The following IFT43 variants were observed in gnomAD, a reference collection of about 807,000 sequenced individuals.
The protein encoded by IFT43 is intraflagellar transport protein 43 homolog.
In IFT43, 33 loss-of-function variants were observed where a neutral mutation model predicts 32.3. That is an observed-to-expected ratio of 1.02 (90% CI 0.77 to 1.37). The LOEUF is 1.37. Among genes scored for constraint, IFT43 ranks in the 40% most tolerant of loss-of-function variants. IFT43 has a pLI of 0.00. For synonymous variants in IFT43, 93 were observed against 98.2 expected (o/e 0.95, Z 0.31); for missense variants, 274 against 265.9 (o/e 1.03, Z -0.21).
At chr14:75,990,446 A>G (rs2035614725) in intron 2 of IFT43, among the ~76,000 whole-genome samples, 1 of 152,202 alleles carries the variant, frequency 6.6e-6, no homozygotes, top group South Asian at 2.1e-4. Flanking sequence ...TGGTTCTCTC[A>G]TAAGATATGA....
chr14:75,999,123 C>A (rs1338534715), intron 2 of IFT43, among the ~76,000 whole-genome samples: 2 of 134,614 alleles, frequency 1.5e-5, no homozygotes, highest in African/African-American at 5.3e-5. Flanking sequence ...TCTTTTTGTC[C>A]TCTTAACCAG....
chr14:76,038,032 A>G (rs2036634793), intron 3 of IFT43: 1 of 152,232 alleles, frequency 6.6e-6, no homozygotes, highest in Non-Finnish European at 1.5e-5. Context: ...GAAACACAAA[A>G]CAAAATTAGA....
chr14:76,042,427 G>A (rs10483873), intron 3 of IFT43, among the ~76,000 whole-genome samples: 51,206 of 151,994 alleles, frequency 0.34, 8,695 homozygotes, highest in Admixed American at 0.35. Context: ...ATCTTTGCCC[G>A]TGGTAGAACC....
At chr14:76,082,462 C>T (rs1008857553) in intron 6 of IFT43, 95 bp downstream of exon 6, 1 of 1,185,766 alleles carries the variant, frequency 8.4e-7, no homozygotes, top group African/African-American at 1.5e-5. Flanking sequence ...CAATCTGGAT[C>T]TTTCTGGTGT....
chr14:76,071,102 TGC>T (rs1410869884), intron 5 of IFT43, among the ~76,000 whole-genome samples: 1 of 152,164 alleles, frequency 6.6e-6, no homozygotes, highest in Non-Finnish European at 1.5e-5. Flanking sequence ...TCCTACCACA[TGC>T]GCGTGTAGGA....
chr14:76,059,242 G>A, intron 4 of IFT43, 85 bp from the exon 5 acceptor site: 6 of 1,611,358 alleles, frequency 3.7e-6, no homozygotes, highest in Non-Finnish European at 5.1e-6. Context: ...CTAGGAGAAA[G>A]AATGGATACA....
intron 3 of IFT43, among the ~76,000 whole-genome samples, chr14:76,023,352 G>C (rs1298271031): frequency 6.6e-6 from 1 of 152,214 alleles, no homozygotes; most frequent in Non-Finnish European, 1.5e-5. Context: ...GGCAGAGTGT[G>C]GTGACAGCCG....
Position 76,070,787 on chromosome 14 carries a change from T to C in IFT43, c.295+11414T>C, listed in dbSNP as rs1044172037. On this transcript the variant is annotated intron_variant, in intron 5 of 8. Transcript: ENST00000314067. Reference sequence around the variant, plus strand: ...GCGCCTCCCCACCCCTCCCTCTTGCTCCTGCTTTCTCCATGTGATGTGCCT... The same window carrying C: ...GCGCCTCCCCACCCCTCCCTCTTGCCCCTGCTTTCTCCATGTGATGTGCCT... Among the ~76,000 whole-genome samples, 8 of 151,888 alleles carry C rather than the reference T, an allele frequency of 5.3e-5. No individual in the cohort carries two copies. In the South Asian group the frequency reaches 1.5e-3, roughly 28 times the overall value.
At chr14:76,029,730 G>T (rs563541228) in intron 3 of IFT43, among the ~76,000 whole-genome samples, 1 of 152,070 alleles carries the variant, frequency 6.6e-6, no homozygotes, top group Admixed American at 6.5e-5. Context: ...TCCTTTCCCT[G>T]TTGCTTATTT....
At chr14:75,999,437 A>G (rs2035842280) in intron 2 of IFT43, among the ~76,000 whole-genome samples, 2 of 150,638 alleles carry the variant, frequency 1.3e-5, no homozygotes, top group Admixed American at 1.3e-4. Flanking sequence ...ACATTTATAT[A>G]TATTTTTATA....
At chr14:75,985,923 C>T (rs2035513195) in intron 1 of IFT43, 83 bp downstream of exon 1, 2 of 1,568,230 alleles carry the variant, frequency 1.3e-6, no homozygotes, top group Non-Finnish European at 8.6e-7. Context: ...TTCTCTGAGG[C>T]GACTCAGGGC....
chr14:76,079,091 C>G (rs1455094369), intron 5 of IFT43, among the ~76,000 whole-genome samples: 1 of 152,224 alleles, frequency 6.6e-6, no homozygotes, highest in African/African-American at 2.4e-5. Flanking sequence ...AGCTGTCTCA[C>G]CCCTTCACTA....
intron 3 of IFT43, among the ~76,000 whole-genome samples, chr14:76,031,183 T>C (rs2036504336): frequency 6.6e-6 from 1 of 151,906 alleles, no homozygotes; most frequent in Admixed American, 6.6e-5. Context: ...CCTATTTTTA[T>C]AAAGTTTTAT....
chr14:76,047,841 G>T (rs1293501420), intron 3 of IFT43, among the ~76,000 whole-genome samples: 1 of 151,944 alleles, frequency 6.6e-6, no homozygotes, highest in South Asian at 2.1e-4. Flanking sequence ...CTGCGTGGGG[G>T]TTGTCAGAAT....
At chr14:76,070,189 A>G (rs1159573576) in intron 5 of IFT43, among the ~76,000 whole-genome samples, 3 of 152,218 alleles carry the variant, frequency 2.0e-5, no homozygotes, top group Admixed American at 6.5e-5. Context: ...TAGGCTGTCA[A>G]TGGAATTAGA....
intron 2 of IFT43, among the ~76,000 whole-genome samples, chr14:75,993,868 C>T (rs1594801250): frequency 6.6e-6 from 1 of 152,076 alleles, no homozygotes; most frequent in East Asian, 1.9e-4. Flanking sequence ...GGGTGTACCC[C>T]TTCTTATCAG....
chr14:76,052,714 A>G (rs1453059811), intron 3 of IFT43, among the ~76,000 whole-genome samples: 5 of 152,192 alleles, frequency 3.3e-5, no homozygotes, highest in Non-Finnish European at 7.3e-5. Flanking sequence ...AAGAATTTCA[A>G]AAAGGGAGGA....
intron 5 of IFT43, among the ~76,000 whole-genome samples, chr14:76,074,663 G>T (rs932516658): frequency 2.0e-5 from 3 of 152,218 alleles, no homozygotes; most frequent in African/African-American, 7.2e-5. Context: ...CAGGAACATT[G>T]CTGTCTAGGG....
chr14:76,010,816 C>T (rs2036069380), intron 2 of IFT43, among the ~76,000 whole-genome samples: 1 of 151,986 alleles, frequency 6.6e-6, no homozygotes. Flanking sequence ...TTTGTTCACA[C>T]CAGAATCCAA....
Sources: allele counts gnomAD v4.1 joint callset (sites outside exome capture counted in the v4.1 genomes callset), GRCh38; gene constraint gnomAD v4.1.1; transcripts MANE v1.5; gene names NCBI Gene and HGNC (gene_info 2026-07-23, HGNC 2026-07-21).